The following NR4A1 variants were observed in gnomAD, a reference collection of about 807,000 sequenced individuals.
NR4A1 encodes the protein nuclear receptor subfamily 4immunitygroup A member 1.
A neutral mutation model predicts 47.5 loss-of-function variants in NR4A1; 24 were observed. The observed-to-expected ratio is 0.50, with a 90% CI of 0.37 to 0.71. NR4A1 has a LOEUF of 0.71. NR4A1 is among the 30% of genes least tolerant of loss of function. NR4A1 has a pLI of 0.00. For missense variants in NR4A1, 669 were observed against 788.6 expected (o/e 0.85, Z 1.82); for synonymous variants, 353 against 345.7 (o/e 1.02, Z -0.24).
upstream of NR4A1, among the ~76,000 whole-genome samples, chr12:52,047,335 C>CA (rs1938688006): frequency 6.6e-6 from 1 of 152,152 alleles, no homozygotes; most frequent in Admixed American, 6.5e-5. Flanking sequence ...AGCTGGACCC[C>CA]ACTCTCTCAG....
Position 52,059,157 on chromosome 12 carries a change from C to A in NR4A1, c.*213C>A, listed in dbSNP as rs111547428. 19,498 of 612,362 alleles carry A rather than the reference C, an allele frequency of 0.032. 435 individuals are homozygous for A. Among genetic ancestry groups the A allele is most frequent in the South Asian group, 0.077 (3,560 of 46,192 alleles). 37.9% of individuals were successfully genotyped at this position (612,362 alleles called of 1,614,324 possible). A position where few individuals can be genotyped will look rare whatever the true frequency, so the allele number is the denominator to read the frequency against. On this transcript the variant is annotated 3_prime_UTR_variant, in exon 7 of 7. Coordinates refer to ENST00000394825, the MANE Select transcript of NR4A1 (RefSeq NM_173157.3). The stretch of plus-strand genomic sequence containing the variant: ...ACCCCACGATTTGTCTTATCCCCCC[C>A]AGCCTGGCCCCGGCCTTTATGTTTT...
chr12:52,037,947 T>C, intron 1 of NR4A1: 11 of 701,866 alleles, frequency 1.6e-5, no homozygotes, highest in Non-Finnish European at 1.9e-5. Context: ...ACATCTTCCT[T>C]ATACTGGGTG....
intron 1 of NR4A1, among the ~76,000 whole-genome samples, chr12:52,029,045 G>A (rs1938062632): frequency 6.6e-6 from 1 of 152,220 alleles, no homozygotes; most frequent in Non-Finnish European, 1.5e-5. Context: ...CAGGGAGCTA[G>A]GACCTGTTTA....
chr12:52,058,526 T>C (rs182680184), intron 6 of NR4A1, 162 bp from the exon 7 acceptor site: 152 of 922,690 alleles, frequency 1.6e-4, no homozygotes, highest in Non-Finnish European at 2.2e-4. Context: ...TTCTCAGACT[T>C]GTGACGATGC....
chr12:52,039,527 C>T (rs531272701), intron 1 of NR4A1, among the ~76,000 whole-genome samples: 14 of 152,326 alleles, frequency 9.2e-5, no homozygotes, highest in Non-Finnish European at 1.8e-4. Context: ...TTGGATCTGC[C>T]GCCAAATGGA....
intron 2 of NR4A1, among the ~76,000 whole-genome samples, chr12:52,044,864 T>G (rs1452740868): frequency 6.6e-6 from 1 of 152,260 alleles, no homozygotes; most frequent in Non-Finnish European, 1.5e-5. Context: ...GGGGCAACCT[T>G]TCCCAAAGGA....
chr12:52,051,435 G>GC, upstream of NR4A1: 1 of 985,612 alleles, frequency 1.0e-6, no homozygotes, highest in Non-Finnish European at 1.2e-6. Context: ...GTCGGGCTCG[G>GC]CCGGGGAGTC....
intron 2 of NR4A1, among the ~76,000 whole-genome samples, chr12:52,044,733 A>C (rs915750553): frequency 2.6e-5 from 4 of 152,120 alleles, no homozygotes; most frequent in African/African-American, 9.7e-5. Context: ...GGCAGAGGCA[A>C]GGGAATTTGG....
At position 52,056,137 on chromosome 12, in the gene NR4A1, G is replaced by C; in HGVS notation, c.984G>C (p.Leu328=). The C allele has an allele frequency of 6.2e-7, 1 of 1,610,048 alleles. No individual in the cohort carries two copies. Among genetic ancestry groups the C allele is most frequent in the South Asian group, 1.1e-5 (1 of 90,392 alleles). ...AGTTCTGCCGCTTCCAGAAGTGCCT[G>C]GCGGTGGGCATGGTGAAGGAAGGTG... The part of the protein sequence containing the change: ...RCQFCRFQKC[L]AVGMVKEVVR... The change falls in exon 3 of 7, where the codon CTG becomes CTC. Residue 328 remains leucine (L), a synonymous_variant. Coordinates refer to ENST00000394825, the MANE Select transcript of NR4A1 (RefSeq NM_173157.3).
intron 1 of NR4A1, chr12:52,038,773 G>C: frequency 1.3e-6 from 1 of 763,548 alleles, no homozygotes; most frequent in South Asian, 1.4e-5. Flanking sequence ...AGGATGGGCC[G>C]AGATTAACGG....
chr12:52,039,528 G>A (rs1221738158), intron 1 of NR4A1, among the ~76,000 whole-genome samples: 11 of 152,220 alleles, frequency 7.2e-5, no homozygotes, highest in Non-Finnish European at 1.5e-4. Context: ...TGGATCTGCC[G>A]CCAAATGGAA....
At chr12:52,035,924 TG>T (rs1200632185) in intron 1 of NR4A1, among the ~76,000 whole-genome samples, 1 of 152,094 alleles carries the variant, frequency 6.6e-6, no homozygotes, top group Non-Finnish European at 1.5e-5. Flanking sequence ...GCGTGGGGCC[TG>T]GGCTGGGTGC....
chr12:52,044,590 G>A (rs1053794384), intron 2 of NR4A1, among the ~76,000 whole-genome samples: 1 of 152,210 alleles, frequency 6.6e-6, no homozygotes, highest in Non-Finnish European at 1.5e-5. Context: ...GTCTCTAAAC[G>A]AATCCAGAGC....
intron 1 of NR4A1, among the ~76,000 whole-genome samples, chr12:52,039,365 A>T (rs1938355218): frequency 6.6e-6 from 1 of 152,244 alleles, no homozygotes; most frequent in South Asian, 2.1e-4. Context: ...TGCAAGGGGC[A>T]GTTTATTAAG....
In NR4A1 at chr12:52,037,533, C is replaced by T. The variant is rs1006174089; in HGVS notation, c.-83-4277C>T. On this transcript the variant is annotated intron_variant, in intron 1 of 7. Coordinates refer to the NR4A1 transcript ENST00000360284. ...TGGATGCCTTTGGGCGGGCTCGGGG[C>T]CACGCCGGAGTCCCGCTTGGAAACT... 20 of 979,856 alleles carry T rather than the reference C, an allele frequency of 2.0e-5. No homozygotes were observed. The African/African-American group carries it at 3.2e-4, about 15-fold the overall frequency. The allele number at this position is 979,856 out of a possible 1,614,324, so 60.7% of individuals were successfully genotyped here.
intron 1 of NR4A1, among the ~76,000 whole-genome samples, chr12:52,023,601 G>C (rs1937934210): frequency 6.8e-6 from 1 of 146,074 alleles, no homozygotes; most frequent in Non-Finnish European, 1.5e-5. Flanking sequence ...CCGCAGACAC[G>C]GGCGCCTCTG....
intron 1 of NR4A1, among the ~76,000 whole-genome samples, chr12:52,031,190 A>C (rs951748980): frequency 1.3e-5 from 2 of 151,764 alleles, no homozygotes; most frequent in Admixed American, 1.3e-4. Flanking sequence ...TTTTTTAATT[A>C]TTATTATTAC....
chr12:52,051,334 C>CCG, upstream of NR4A1: 1 of 940,774 alleles, frequency 1.1e-6, no homozygotes, highest in Non-Finnish European at 1.3e-6. Context: ...GCACCGCCCC[C>CCG]CGCGCCCTTG....
chr12:52,032,973 A>G (rs1382114848), intron 1 of NR4A1, among the ~76,000 whole-genome samples: 2 of 152,202 alleles, frequency 1.3e-5, no homozygotes, highest in South Asian at 2.1e-4. Context: ...CGCCTGCAGC[A>G]GACCCGAAGG....
Sources: allele counts gnomAD v4.1 joint callset (sites outside exome capture counted in the v4.1 genomes callset), GRCh38; gene constraint gnomAD v4.1.1; transcripts MANE v1.5; gene names NCBI Gene and HGNC (gene_info 2026-07-23, HGNC 2026-07-21).